The following RBFOX1 variants were observed in gnomAD, a reference collection of about 807,000 sequenced individuals.
RBFOX1 encodes the protein RNA binding fox-1 homolog 1, also known as RNA binding protein fox-1 homolog 1.
A neutral mutation model predicts 57.7 loss-of-function variants in RBFOX1; 8 were observed. The ratio of observed to expected loss-of-function variants is 0.14; its 90% CI spans 0.08 to 0.25. The LOEUF is 0.25. RBFOX1 is among the 10% of genes least tolerant of loss of function. The probability of loss-of-function intolerance (pLI) is 1.00; values close to 1 mark genes in which losing one functional copy is unlikely to be tolerated. For synonymous variants in RBFOX1, 326 were observed against 222.4 expected, an observed-to-expected ratio of 1.47 and a Z score of -4.15; for missense variants, 611 against 548.5, an observed-to-expected ratio of 1.11 and a Z score of -1.14.
chr16:6,401,891 G>C (rs1200061231), intron 2 of RBFOX1, among the ~76,000 whole-genome samples: 1 of 151,870 alleles, frequency 6.6e-6, no homozygotes. Context: ...GGAGTAATTA[G>C]AGAAGAGAAA....
rs748072976 is a variant in RBFOX1, at chr16:7,713,168, ATAT to A, written c.*2427_*2429del. ...TGCTATTATGAATTATGGAAAATTA[ATAT>A]TATGTGTGGCATATAGTGACTTCTT... On this transcript the variant is annotated 3_prime_UTR_variant, in exon 16 of 16. Transcript: ENST00000550418. The A allele has an allele frequency of 2.0e-4, 31 of 152,294 alleles. No homozygotes were observed. The highest frequency in any genetic ancestry group is 3.9e-4 in the East Asian group (2 of 5,184). The allele number at this position is 152,294 out of a possible 1,614,324, so 9.4% of individuals were successfully genotyped here.
chr16:6,477,174 T>C (rs1243411301), intron 2 of RBFOX1, among the ~76,000 whole-genome samples: 2 of 152,230 alleles, frequency 1.3e-5, no homozygotes, highest in African/African-American at 2.4e-5. Context: ...TTAATGTTGC[T>C]ATTTTGACCT....
intron 2 of RBFOX1, among the ~76,000 whole-genome samples, chr16:6,392,615 A>C (rs2092654720): frequency 6.6e-6 from 1 of 152,210 alleles, no homozygotes; most frequent in Non-Finnish European, 1.5e-5. Flanking sequence ...TCTCCTCCGC[A>C]CACTGAGGAA....
chr16:7,006,656 C>T (rs1180833754), intron 3 of RBFOX1, among the ~76,000 whole-genome samples: 9 of 152,088 alleles, frequency 5.9e-5, no homozygotes, highest in Admixed American at 5.9e-4. Context: ...CTGTGATGCT[C>T]ATTCTGATCT....
rs192866309 is a variant in RBFOX1 at position 7,304,359 on chromosome 16, C to T, written c.28-213788C>T. Reference sequence around the variant, plus strand: ...GTGATTGCATTCAAGCGTCCCCACTCGGGCTCGGCGGGCGCCAGAGAGACA... The same window carrying T: ...GTGATTGCATTCAAGCGTCCCCACTTGGGCTCGGCGGGCGCCAGAGAGACA... On this transcript the variant is annotated intron_variant, in intron 4 of 15. Coordinates refer to ENST00000550418, the MANE Select transcript of RBFOX1 (RefSeq NM_018723.4). 14 of 985,372 alleles carry T rather than the reference C, an allele frequency of 1.4e-5. No homozygotes were observed. The East Asian group carries it at 5.7e-4, about 40-fold the overall frequency. 61.0% of individuals were successfully genotyped at this position (985,372 alleles called of 1,614,324 possible). A position where few individuals can be genotyped will look rare whatever the true frequency, so the allele number is the denominator to read the frequency against.
chr16:5,288,790 A>C (rs1043248970), intron 1 of RBFOX1, among the ~76,000 whole-genome samples: 1 of 152,080 alleles, frequency 6.6e-6, no homozygotes, highest in African/African-American at 2.4e-5. Context: ...AAAACCCAGC[A>C]TCACAGCGGC....
At chr16:7,379,151 T>G (rs1408669684) in intron 4 of RBFOX1, among the ~76,000 whole-genome samples, 1 of 152,152 alleles carries the variant, frequency 6.6e-6, no homozygotes, top group Non-Finnish European at 1.5e-5. Context: ...ATAGTGGGGA[T>G]AGCAGTAAAC....
chr16:7,078,411 G>A (rs1219186802), intron 4 of RBFOX1, among the ~76,000 whole-genome samples: 3 of 152,142 alleles, frequency 2.0e-5, no homozygotes, highest in Admixed American at 1.3e-4. Flanking sequence ...GCAGTGGCAC[G>A]ATCTTGGCTC....
At chr16:5,343,034 C>T (rs139966441) in intron 1 of RBFOX1, among the ~76,000 whole-genome samples, 2 of 152,148 alleles carry the variant, frequency 1.3e-5, no homozygotes, top group Non-Finnish European at 2.9e-5. Context: ...CATTCCATTA[C>T]CACATTAATC....
chr16:5,466,289 A>G (rs186716490), intron 1 of RBFOX1, among the ~76,000 whole-genome samples: 30 of 152,280 alleles, frequency 2.0e-4, no homozygotes, highest in Middle Eastern at 3.4e-3. Flanking sequence ...CATTTTGACT[A>G]AGCCAGGGTC....
chr16:6,456,046 G>T (rs201575644), intron 2 of RBFOX1, among the ~76,000 whole-genome samples: 1 of 150,030 alleles, frequency 6.7e-6, no homozygotes, highest in Admixed American at 6.7e-5. Flanking sequence ...AAGAAAAAAA[G>T]AAACAAAGAT....
intron 2 of RBFOX1, among the ~76,000 whole-genome samples, chr16:6,418,548 G>T (rs941684673): frequency 8.5e-6 from 1 of 117,066 alleles, no homozygotes; most frequent in Non-Finnish European, 1.6e-5. Flanking sequence ...TTTTTTGACA[G>T]AGTCTGGCTC....
intron 2 of RBFOX1, among the ~76,000 whole-genome samples, chr16:6,538,802 T>C (rs1391364600): frequency 2.0e-5 from 3 of 152,196 alleles, no homozygotes; most frequent in Non-Finnish European, 2.9e-5. Flanking sequence ...TCTTGTTTGC[T>C]AATATGCGGT....
intron 2 of RBFOX1, among the ~76,000 whole-genome samples, chr16:5,579,916 C>A (rs1051688788): frequency 1.3e-5 from 2 of 152,048 alleles, no homozygotes; most frequent in African/African-American, 4.8e-5. Context: ...CCTGCCACCA[C>A]GCCCGGCTAA....
Position 5,740,984 on chromosome 16 carries a change from G to C in RBFOX1, c.319-126319G>C, listed in dbSNP as rs189416625. The stretch of plus-strand genomic sequence containing the variant: ...TCATGAGGGATGGTCCTTAAAATAG[G>C]TTAAAGGAGGCAGGTGGTAAAAAAT... On this transcript the variant is annotated intron_variant, in intron 3 of 19. Transcript: ENST00000641259. 6.4e-4 allele frequency among the ~76,000 whole-genome samples: 98 copies of C among 152,228 alleles called. 1 individual carries two copies. The East Asian group carries it at 0.015, about 23-fold the overall frequency.
At chr16:6,788,156 A>G (rs1667513729) in intron 3 of RBFOX1, among the ~76,000 whole-genome samples, 4 of 152,170 alleles carry the variant, frequency 2.6e-5, no homozygotes, top group Admixed American at 2.0e-4. Flanking sequence ...TGGGAGGCGG[A>G]TGTTGGAGTG....
At chr16:6,737,033 G>T (rs916778814) in intron 3 of RBFOX1, among the ~76,000 whole-genome samples, 3 of 152,180 alleles carry the variant, frequency 2.0e-5, no homozygotes, top group Admixed American at 2.0e-4. Context: ...CCTCATTTAA[G>T]CAGTATTCAG....
At chr16:6,352,168 C>G (rs1051984244) in intron 2 of RBFOX1, among the ~76,000 whole-genome samples, 11 of 152,180 alleles carry the variant, frequency 7.2e-5, no homozygotes, top group African/African-American at 2.7e-4. Flanking sequence ...AGTCCCAGAC[C>G]TCCCAGCCCT....
chr16:7,646,173 T>C (rs1356842790), intron 11 of RBFOX1, among the ~76,000 whole-genome samples: 1 of 152,220 alleles, frequency 6.6e-6, no homozygotes, highest in Admixed American at 6.5e-5. Context: ...AAAACATATT[T>C]TGCCATTTGG....
Sources: allele counts gnomAD v4.1 joint callset (sites outside exome capture counted in the v4.1 genomes callset), GRCh38; gene constraint gnomAD v4.1.1; transcripts MANE v1.5; gene names NCBI Gene and HGNC (gene_info 2026-07-23, HGNC 2026-07-21).